HAPSTR1: variants seen among roughly 807,000 people sequenced by gnomAD.
HAPSTR1 encodes HUWE1 associated protein modifying stress responses.
At chr16:9,092,406 C>T in the HAPSTR1 span, 12 of 729,664 alleles carry the variant, frequency 1.6e-5, no homozygotes, top group Non-Finnish European at 1.8e-5. Context: ...GGCTCCGCGG[C>T]CCTGCCGCCC....
At chr16:9,092,707 C>T in the HAPSTR1 span, among the ~76,000 whole-genome samples, 13,099 of 152,094 alleles carry the variant, frequency 0.086, 764 homozygotes, top group Admixed American at 0.18. Context: ...CCCCTGAGCT[C>T]TGCGGCATCC....
At chr16:9,097,094 C>G in the HAPSTR1 span, among the ~76,000 whole-genome samples, 6 of 152,072 alleles carry the variant, frequency 3.9e-5, no homozygotes, top group African/African-American at 1.4e-4. Context: ...CGCCTGCCAC[C>G]ACACCAGGCT....
At chr16:9,108,631 G>A in the HAPSTR1 span, 2 of 152,276 alleles carry the variant, frequency 1.3e-5, no homozygotes, top group African/African-American at 2.4e-5. Context: ...AATCAGAAAC[G>A]ATGTGAATTT....
the HAPSTR1 span, chr16:9,092,961 C>G: frequency 6.2e-7 from 1 of 1,611,870 alleles, no homozygotes; most frequent in Non-Finnish European, 8.5e-7. Context: ...TCTGGGTCCC[C>G]TTCCAAAACG....
At chr16:9,098,507 C>G in the HAPSTR1 span, among the ~76,000 whole-genome samples, 1 of 152,264 alleles carries the variant, frequency 6.6e-6, no homozygotes, top group South Asian at 2.1e-4. Context: ...TGTTACATTC[C>G]TAAAGAAACA....
chr16:9,111,154 CCTTT>C, the HAPSTR1 span: 1 of 152,230 alleles, frequency 6.6e-6, no homozygotes, highest in Non-Finnish European at 1.5e-5. Flanking sequence ...CTTTCAGAAT[CCTTT>C]CTTCTCTGTG....
the HAPSTR1 span, chr16:9,105,794 A>G: frequency 6.6e-6 from 1 of 152,246 alleles, no homozygotes; most frequent in African/African-American, 2.4e-5. Context: ...TGGCAAGCAC[A>G]AGGACATGGG....
chr16:9,102,275 AAAT>A, the HAPSTR1 span, among the ~76,000 whole-genome samples: 1 of 147,042 alleles, frequency 6.8e-6, no homozygotes, highest in Admixed American at 6.8e-5. Flanking sequence ...AATTAAAACT[AAAT>A]AATAGTCACT....
the HAPSTR1 span, chr16:9,105,553 G>T: frequency 2.0e-5 from 3 of 152,222 alleles, no homozygotes; most frequent in Non-Finnish European, 4.4e-5. Context: ...TTATTAACTA[G>T]TAACATAGAT....
the HAPSTR1 span, chr16:9,109,664 T>G: frequency 1.3e-5 from 2 of 152,246 alleles, no homozygotes; most frequent in African/African-American, 4.8e-5. Context: ...ATTGCCTTTT[T>G]TGGCTTTAAT....
chr16:9,103,922 CTGT>C, the HAPSTR1 span: 2 of 152,238 alleles, frequency 1.3e-5, no homozygotes, highest in Non-Finnish European at 2.9e-5. Flanking sequence ...AGTGATAAGT[CTGT>C]TGTTGCTTGT....
chr16:9,121,617 ATAAAT>A, the HAPSTR1 span: 1 of 152,254 alleles, frequency 6.6e-6, no homozygotes, highest in African/African-American at 2.4e-5. Context: ...ACATAGAAAA[ATAAAT>A]TAAAAAATGT....
At chr16:9,106,323 G>A in the HAPSTR1 span, 1 of 147,614 alleles carries the variant, frequency 6.8e-6, no homozygotes, top group Admixed American at 6.8e-5. Flanking sequence ...ACTGAGTGTC[G>A]CTCTATAGCC....
chr16:9,098,814 A>G, the HAPSTR1 span, among the ~76,000 whole-genome samples: 3 of 152,194 alleles, frequency 2.0e-5, no homozygotes, highest in Admixed American at 6.5e-5. Context: ...ATTGTCTGCA[A>G]TTGAGAGATG....
At chr16:9,102,078 C>G in the HAPSTR1 span, among the ~76,000 whole-genome samples, 1 of 152,210 alleles carries the variant, frequency 6.6e-6, no homozygotes. Context: ...AGCCATCGCA[C>G]TACAGCCTGG....
At chr16:9,096,539 C>G in the HAPSTR1 span, among the ~76,000 whole-genome samples, 1 of 152,148 alleles carries the variant, frequency 6.6e-6, no homozygotes, top group South Asian at 2.1e-4. Context: ...TGGACTCGTA[C>G]ACTAAAGGAG....
At chr16:9,092,791 A>C in the HAPSTR1 span, 1 of 1,007,456 alleles carries the variant, frequency 9.9e-7, no homozygotes, top group Non-Finnish European at 1.4e-6. Flanking sequence ...CCCTGAACAA[A>C]ATGGCGAAAC....
the HAPSTR1 span, among the ~76,000 whole-genome samples, chr16:9,095,656 C>G: frequency 1.3e-5 from 2 of 151,844 alleles, no homozygotes; most frequent in Admixed American, 6.6e-5. Context: ...ATTAAAAACC[C>G]AGCAGAGGGT....
At chr16:9,099,070 TGTG>T in the HAPSTR1 span, among the ~76,000 whole-genome samples, 3 of 152,090 alleles carry the variant, frequency 2.0e-5, no homozygotes, top group East Asian at 3.9e-4. Context: ...CCCAGCCCGT[TGTG>T]GTGGGAGAAT....
Sources: allele counts gnomAD v4.1 joint callset (sites outside exome capture counted in the v4.1 genomes callset), GRCh38; gene constraint gnomAD v4.1.1; transcripts MANE v1.5; gene names NCBI Gene and HGNC (gene_info 2026-07-23, HGNC 2026-07-21).